CACNB2: variants seen among roughly 807,000 people sequenced by gnomAD.
The protein encoded by CACNB2 is voltage-dependent L-type calcium channel subunit beta-2.
Under a neutral mutation model 73.3 loss-of-function variants are expected in CACNB2, and 42 were observed. The observed-to-expected ratio is 0.57, with a 90% CI of 0.45 to 0.74. The LOEUF is 0.74. Among genes scored for constraint, CACNB2 ranks in the 30% least tolerant of loss-of-function variants. The pLI, the probability that CACNB2 is intolerant of heterozygous loss-of-function variation, is 0.00. For missense variants in CACNB2, 940 were observed against 853.0 expected (o/e 1.10, Z -1.27); for synonymous variants, 348 against 310.3 (o/e 1.12, Z -1.28).
At chr10:18,282,277 A>T (rs1182589629) in intron 2 of CACNB2, among the ~76,000 whole-genome samples, 34 of 152,164 alleles carry the variant, frequency 2.2e-4, no homozygotes. Context: ...TTGAGGTAGC[A>T]CAGAGGACAC....
chr10:18,396,356 A>G (rs1005951266), intron 2 of CACNB2, among the ~76,000 whole-genome samples: 9 of 152,240 alleles, frequency 5.9e-5, no homozygotes, highest in African/African-American at 2.2e-4. Context: ...GTAATTCTAA[A>G]CTGTGAAAAG....
chr10:18,519,217 G>A (rs2051592155), intron 9 of CACNB2, among the ~76,000 whole-genome samples: 1 of 152,134 alleles, frequency 6.6e-6, no homozygotes, highest in Admixed American at 6.5e-5. Flanking sequence ...CCACTGGCCA[G>A]TCTCACCCTC....
chr10:18,275,417 A>C (rs1457721440), intron 2 of CACNB2, among the ~76,000 whole-genome samples: 1 of 152,196 alleles, frequency 6.6e-6, no homozygotes, highest in African/African-American at 2.4e-5. Flanking sequence ...GTGGTTTTGA[A>C]TATCAGCTTC....
chr10:18,157,088 G>T (rs938608933), intron 2 of CACNB2, among the ~76,000 whole-genome samples: 1 of 151,116 alleles, frequency 6.6e-6, no homozygotes, highest in Non-Finnish European at 1.5e-5. Context: ...AGTGAACTGT[G>T]GTTTATCTGA....
intron 3 of CACNB2, among the ~76,000 whole-genome samples, chr10:18,407,179 G>C (rs555920168): frequency 8.8e-5 from 11 of 125,394 alleles, no homozygotes; most frequent in Non-Finnish European, 1.4e-4. Context: ...CTGGAGTGCA[G>C]TGGTGCCACC....
chr10:18,389,172 T>G lies in CACNB2; in HGVS notation c.214-12752T>G, dbSNP rs147933516. ...TGTTTTTTTGAGATGGGAGTCTCAC[T>G]CTGTCACCCAGGCTGGATTGCAGTG... On this transcript the variant is annotated intron_variant, in intron 2 of 13. Coordinates refer to ENST00000324631, the MANE Select transcript of CACNB2 (RefSeq NM_201596.3). Among the ~76,000 whole-genome samples, 151 of 152,306 alleles carry G rather than the reference T, an allele frequency of 9.9e-4. 5 individuals carry two copies. The East Asian group carries it at 0.027, about 27-fold the overall frequency.
At chr10:18,428,489 C>A (rs1042551573) in intron 3 of CACNB2, among the ~76,000 whole-genome samples, 19 of 152,050 alleles carry the variant, frequency 1.2e-4, no homozygotes, top group Non-Finnish European at 4.4e-5. Context: ...GAGGTTGAGA[C>A]CAGCTTGGCC....
At chr10:18,436,644 C>T (rs1564546012) in intron 3 of CACNB2, among the ~76,000 whole-genome samples, 1 of 152,090 alleles carries the variant, frequency 6.6e-6, no homozygotes, top group Non-Finnish European at 1.5e-5. Context: ...AACTCAAAAG[C>T]ACCTGAAAAA....
At chr10:18,379,373 C>T (rs760848638) in intron 2 of CACNB2, among the ~76,000 whole-genome samples, 2 of 152,034 alleles carry the variant, frequency 1.3e-5, no homozygotes, top group Non-Finnish European at 2.9e-5. Context: ...CCACCATGCC[C>T]AGCTAATTTT....
chr10:18,302,151 A>T (rs2039546418), intron 2 of CACNB2, among the ~76,000 whole-genome samples: 2 of 152,274 alleles, frequency 1.3e-5, no homozygotes, highest in Non-Finnish European at 2.9e-5. Context: ...GACGTAAAGA[A>T]ATCAAAATGA....
At chr10:18,444,996 C>T (rs1238425581) in intron 3 of CACNB2, among the ~76,000 whole-genome samples, 1 of 152,120 alleles carries the variant, frequency 6.6e-6, no homozygotes, top group African/African-American at 2.4e-5. Context: ...ACTGGTAATT[C>T]CAAGCTTTTA....
intron 2 of CACNB2, among the ~76,000 whole-genome samples, chr10:18,248,427 C>T (rs548526026): frequency 6.6e-6 from 1 of 152,282 alleles, no homozygotes; most frequent in East Asian, 1.9e-4. Flanking sequence ...TGTCATAAAT[C>T]ATATGAATCT....
chr10:18,234,656 G>A lies in CACNB2; in HGVS notation c.213+83681G>A, dbSNP rs531680517. On this transcript the variant is annotated intron_variant, in intron 2 of 13. Transcript: ENST00000324631. ...GCTTGATTCCATTTACTTGAGGTAC[G>A]TAGAGAAGACAAATACGTAGAAATA... 3.3e-5 allele frequency among the ~76,000 whole-genome samples: 5 copies of A among 152,288 alleles called. No individual in the cohort carries two copies. The South Asian group carries it at 1.0e-3, about 32-fold the overall frequency.
chr10:18,331,048 C>T (rs137925813), intron 2 of CACNB2, among the ~76,000 whole-genome samples: 3 of 147,500 alleles, frequency 2.0e-5, no homozygotes, highest in Admixed American at 1.4e-4. Context: ...TGCAATGGCG[C>T]GATCTTGGCC....
chr10:18,153,642 C>T (rs996293539), intron 2 of CACNB2, among the ~76,000 whole-genome samples: 2 of 149,848 alleles, frequency 1.3e-5, no homozygotes, highest in Admixed American at 6.7e-5. Flanking sequence ...GGTGCAGTGG[C>T]GCGATCTCGG....
rs756721525 is a variant in CACNB2 at position 18,315,499 on chromosome 10, TAAAAA to T, written c.214-86400_214-86396del. On this transcript the variant is annotated intron_variant, in intron 2 of 13. Transcript: ENST00000324631. ...AGCAAAAAGAGACCTTGTCTCTATT[TAAAAA>T]AAAAAAAAAAAAAAAAAAAAAAAAC... 5.6e-4 allele frequency among the ~76,000 whole-genome samples: 22 copies of T among 39,520 alleles called. No individual in the cohort carries two copies. The South Asian group carries it at 0.013, about 23-fold the overall frequency. The allele number at this position is 39,520 out of a possible 152,430, so 25.9% of individuals were successfully genotyped here. A position where few individuals can be genotyped will look rare whatever the true frequency, so the allele number is the denominator to read the frequency against.
chr10:18,273,888 C>A (rs1375160415), intron 2 of CACNB2, among the ~76,000 whole-genome samples: 2 of 152,176 alleles, frequency 1.3e-5, no homozygotes, highest in Admixed American at 6.5e-5. Context: ...CAAGGTACAA[C>A]TTTAACTACT....
intron 3 of CACNB2, among the ~76,000 whole-genome samples, chr10:18,422,972 A>G (rs2045407323): frequency 2.6e-5 from 4 of 152,218 alleles, no homozygotes; most frequent in Admixed American, 2.6e-4. Context: ...TGCTGTGATT[A>G]CAGGCGTGAG....
intron 3 of CACNB2, among the ~76,000 whole-genome samples, chr10:18,482,401 C>T (rs1319194832): frequency 1.3e-5 from 2 of 152,182 alleles, no homozygotes; most frequent in Non-Finnish European, 1.5e-5. Flanking sequence ...CAAGGGCCAA[C>T]CGCTGCTTCT....
Sources: allele counts gnomAD v4.1 joint callset (sites outside exome capture counted in the v4.1 genomes callset), GRCh38; gene constraint gnomAD v4.1.1; transcripts MANE v1.5; gene names NCBI Gene and HGNC (gene_info 2026-07-23, HGNC 2026-07-21).